PRKG1: variants seen among roughly 807,000 people sequenced by gnomAD.
The protein encoded by PRKG1 is protein kinase cGMP-dependent 1.
Under a neutral mutation model 88.1 loss-of-function variants are expected in PRKG1, and 35 were observed. The ratio of observed to expected loss-of-function variants is 0.40; its 90% CI spans 0.30 to 0.53. The LOEUF is 0.53. Among genes scored for constraint, PRKG1 ranks in the 20% least tolerant of loss-of-function variants. The pLI is 0.59. For synonymous variants in PRKG1, 303 were observed against 292.5 expected, an observed-to-expected ratio of 1.04 and a Z score of -0.37; for missense variants, 540 against 839.8, an observed-to-expected ratio of 0.64 and a Z score of 4.41.
At chr10:51,313,466 G>C (rs1465923067) in intron 2 of PRKG1, among the ~76,000 whole-genome samples, 3 of 152,114 alleles carry the variant, frequency 2.0e-5, no homozygotes, top group African/African-American at 7.2e-5. Context: ...AGAAAGATTA[G>C]ACCTCATTAT....
At chr10:52,128,424 T>C in intron 7 of PRKG1, 5 of 985,388 alleles carry the variant, frequency 5.1e-6, no homozygotes, top group Non-Finnish European at 6.0e-6. Context: ...AGAATTGGTT[T>C]AGAACCAGAA....
At chr10:51,898,452 C>G (rs973246919) in intron 4 of PRKG1, among the ~76,000 whole-genome samples, 1 of 151,874 alleles carries the variant, frequency 6.6e-6, no homozygotes, top group African/African-American at 2.4e-5. Context: ...TCCTAAATGC[C>G]TAAAACAATT....
intron 5 of PRKG1, among the ~76,000 whole-genome samples, chr10:51,913,762 A>T (rs1195945530): frequency 6.6e-6 from 1 of 152,174 alleles, no homozygotes; most frequent in Non-Finnish European, 1.5e-5. Context: ...ATTTGACTCA[A>T]ATCGAGACAA....
At chr10:51,795,909 C>T (rs1159085840) in intron 3 of PRKG1, among the ~76,000 whole-genome samples, 2 of 152,000 alleles carry the variant, frequency 1.3e-5, no homozygotes, top group African/African-American at 2.4e-5. Flanking sequence ...TGAGAATGTT[C>T]CCTGAAAAAC....
At chr10:51,369,493 C>T (rs1842657478) in intron 2 of PRKG1, among the ~76,000 whole-genome samples, 1 of 152,120 alleles carries the variant, frequency 6.6e-6, no homozygotes, top group South Asian at 2.1e-4. Context: ...AGTATCTCAT[C>T]TCTTTCATGT....
chr10:51,641,478 T>G (rs1346518786), intron 3 of PRKG1, among the ~76,000 whole-genome samples: 1 of 152,166 alleles, frequency 6.6e-6, no homozygotes, highest in African/African-American at 2.4e-5. Flanking sequence ...ATATTTCTGC[T>G]GGAGTCTGTG....
intron 3 of PRKG1, among the ~76,000 whole-genome samples, chr10:51,514,266 C>G (rs111390828): frequency 2.0e-5 from 3 of 151,918 alleles, no homozygotes; most frequent in Non-Finnish European, 4.4e-5. Context: ...ATACATTCCT[C>G]GACACATACA....
chr10:51,960,253 C>T (rs1249920578), intron 5 of PRKG1, among the ~76,000 whole-genome samples: 1 of 151,872 alleles, frequency 6.6e-6, no homozygotes, highest in Non-Finnish European at 1.5e-5. Context: ...AAATGAGCTA[C>T]CTGCTCTAAC....
chr10:51,229,945 A>AG lies in PRKG1; in HGVS notation c.478+76615_478+76616insG, dbSNP rs1455367302. ...CGATCTCAAAAAAAAAAAAAAAAAA[A>AG]AAAGAAAAAGAAAAAAGAAAGAAAA... On this transcript the variant is annotated intron_variant, in intron 2 of 17. Transcript: ENST00000373980. Among the ~76,000 whole-genome samples the AG allele has an allele frequency of 2.3e-3, 353 of 150,830 alleles. 4 individuals are homozygous for AG. Among genetic ancestry groups the AG allele is most frequent in the African/African-American group, 7.4e-3 (304 of 40,960 alleles).
At chr10:52,090,295 G>C (rs538211517) in intron 7 of PRKG1, among the ~76,000 whole-genome samples, 12 of 152,032 alleles carry the variant, frequency 7.9e-5, no homozygotes, top group Non-Finnish European at 1.8e-4. Context: ...GAGGCAACCT[G>C]AAAGAGCTCC....
At position 51,329,086 on chromosome 10, in the gene PRKG1, A is replaced by G. The variant is rs1162440873; in HGVS notation, c.479-138637A>G. Reference sequence around the variant, plus strand: ...CTTTTTATTTTGATGTAATTTGTCTATTTTTGATTTTGTTGCCATTGCCTT... The same window carrying G: ...CTTTTTATTTTGATGTAATTTGTCTGTTTTTGATTTTGTTGCCATTGCCTT... On this transcript the variant is annotated intron_variant, in intron 2 of 17. Transcript: ENST00000373980. 2.6e-5 allele frequency among the ~76,000 whole-genome samples: 4 copies of G among 152,038 alleles called. No homozygotes were observed. The East Asian group carries it at 7.7e-4, about 29-fold the overall frequency.
chr10:52,291,963 T>C (rs542227320), intron 17 of PRKG1, among the ~76,000 whole-genome samples: 18 of 152,332 alleles, frequency 1.2e-4, no homozygotes, highest in African/African-American at 4.1e-4. Flanking sequence ...TGTGAGATGG[T>C]ATCTCATTGT....
intron 7 of PRKG1, among the ~76,000 whole-genome samples, chr10:52,108,070 A>G (rs74135154): frequency 0.022 from 3,310 of 152,308 alleles, 77 homozygotes; most frequent in African/African-American, 0.062. Context: ...ATTTAAATAT[A>G]TATTATCCTA....
At chr10:51,143,224 C>T (rs992200741) in intron 1 of PRKG1, among the ~76,000 whole-genome samples, 4 of 152,038 alleles carry the variant, frequency 2.6e-5, no homozygotes, top group Admixed American at 1.3e-4. Context: ...TGAGTGAGAT[C>T]GTGTGGTATT....
chr10:51,974,911 G>C (rs987297063), intron 5 of PRKG1, among the ~76,000 whole-genome samples: 1 of 152,064 alleles, frequency 6.6e-6, no homozygotes, highest in Non-Finnish European at 1.5e-5. Context: ...TAGTGACAGA[G>C]AGTATATTGG....
chr10:51,181,468 C>T (rs1196775026), intron 2 of PRKG1, among the ~76,000 whole-genome samples: 1 of 151,266 alleles, frequency 6.6e-6, no homozygotes, highest in African/African-American at 2.4e-5. Flanking sequence ...GTCTCGATCT[C>T]CTGACCTCAT....
chr10:52,092,254 C>T (rs773755167), intron 7 of PRKG1, among the ~76,000 whole-genome samples: 2 of 152,072 alleles, frequency 1.3e-5, no homozygotes, highest in African/African-American at 2.4e-5. Flanking sequence ...CAGATTTGCT[C>T]CAGCCTATTT....
chr10:51,264,248 T>G (rs1839785773), intron 2 of PRKG1, among the ~76,000 whole-genome samples: 1 of 152,202 alleles, frequency 6.6e-6, no homozygotes, highest in South Asian at 2.1e-4. Context: ...ATTAAAGATA[T>G]TTGAAGGTTG....
intron 1 of PRKG1, among the ~76,000 whole-genome samples, chr10:51,130,052 A>C (rs541198596): frequency 2.0e-5 from 3 of 152,062 alleles, no homozygotes; most frequent in East Asian, 3.9e-4. Flanking sequence ...ATAGTTTTGC[A>C]TGGATAGGCT....
Sources: gnomAD v4.1 joint callset for allele counts (sites outside exome capture counted in the v4.1 genomes callset) on GRCh38, gnomAD v4.1.1 for gene constraint, MANE v1.5 for transcripts, NCBI Gene and HGNC (gene_info 2026-07-23, HGNC 2026-07-21) for gene names.